CHD7: variants seen among roughly 807,000 people sequenced by gnomAD.
The protein encoded by CHD7 is chromodomain helicase DNA binding protein 7.
Under a neutral mutation model 307.3 loss-of-function variants are expected in CHD7, and 24 were observed. The ratio of observed to expected loss-of-function variants is 0.08; its 90% confidence interval spans 0.06 to 0.11. The LOEUF (loss-of-function observed/expected upper bound fraction) is 0.11. Among genes scored for constraint, CHD7 ranks in the 10% least tolerant of loss-of-function variants. The pLI, the probability that CHD7 is intolerant of heterozygous loss-of-function variation, is 1.00. For missense variants in CHD7, 3,106 were observed against 3,727.1 expected (o/e 0.83, Z 4.34); for synonymous variants, 1,363 against 1,349.9 (o/e 1.01, Z -0.21).
intron 8 of CHD7, among the ~76,000 whole-genome samples, chr8:60,817,295 T>C (rs1204717578): frequency 6.6e-6 from 1 of 152,248 alleles, no homozygotes; most frequent in Admixed American, 6.5e-5. Flanking sequence ...AGACTTTATG[T>C]AAAAGAAGCG....
intron 1 of CHD7, among the ~76,000 whole-genome samples, chr8:60,706,905 G>T (rs1001310378): frequency 6.6e-6 from 1 of 151,966 alleles, no homozygotes; most frequent in Admixed American, 6.6e-5. Flanking sequence ...GTGCCATGTT[G>T]GTGTGCCGCA....
At chr8:60,799,793 A>G (rs766124735) in intron 4 of CHD7, among the ~76,000 whole-genome samples, 5 of 152,148 alleles carry the variant, frequency 3.3e-5, no homozygotes, top group African/African-American at 1.2e-4. Context: ...TGATGGACAT[A>G]CTGACTGACT....
intron 13 of CHD7, chr8:60,824,651 G>T (rs1441174893): frequency 6.6e-6 from 1 of 152,314 alleles, no homozygotes; most frequent in Admixed American, 6.5e-5. Context: ...AGTTGGGTAG[G>T]ATATCTGGGG....
chr8:60,770,204 T>A (rs4738822), intron 2 of CHD7, among the ~76,000 whole-genome samples: 118,504 of 152,230 alleles, frequency 0.78, 46,402 homozygotes, highest in East Asian at 0.94. Context: ...CTGCAGTTGT[T>A]ATTGAGGGAT....
chr8:60,771,671 GGGGA>G (rs75059106), intron 2 of CHD7, among the ~76,000 whole-genome samples: 1 of 151,948 alleles, frequency 6.6e-6, no homozygotes, highest in East Asian at 1.9e-4. Flanking sequence ...CATCTTGACT[GGGGA>G]GTCTTGACTG....
chr8:60,808,134 G>A, intron 6 of CHD7, 83 bp from the exon 7 acceptor site: 1 of 910,508 alleles, frequency 1.1e-6, no homozygotes, highest in Non-Finnish European at 1.7e-6. Flanking sequence ...CCTATTTTGT[G>A]CTCATATGGG....
In CHD7 at chr8:60,837,759, A is replaced by G. The variant is rs1804802453; in HGVS notation, c.4277A>G (p.Asp1426Gly). 1.2e-6 allele frequency: 2 copies of G among 1,613,414 alleles called. No individual in the cohort carries two copies. Among genetic ancestry groups the G allele is most frequent in the Non-Finnish European group, 1.7e-6 (2 of 1,179,606 alleles). ...AATTCCTATGAAAGGGAAATGTTCG[A>G]CAAGGCTAGTTTGAAACTGGGCCTG... ...TRNSYEREMF[D>G]KASLKLGLDK... The change falls in exon 18 of 38, where the codon GAC becomes GGC. Residue 1426 changes from aspartate (D) to glycine (G), a missense_variant. Transcript: ENST00000423902.
At chr8:60,782,694 CCT>C (rs1199930913) in intron 3 of CHD7, among the ~76,000 whole-genome samples, 1 of 152,098 alleles carries the variant, frequency 6.6e-6, no homozygotes. Context: ...CTTTTCTCCC[CCT>C]CTTTGTGAAC....
At chr8:60,794,012 C>A (rs1811895395) in intron 3 of CHD7, among the ~76,000 whole-genome samples, 2 of 152,076 alleles carry the variant, frequency 1.3e-5, no homozygotes, top group Non-Finnish European at 2.9e-5. Context: ...ATCCCAGCCA[C>A]TTGAGAGGCT....
chr8:60,743,064 C>T lies in CHD7; in HGVS notation c.1632C>T (p.Pro544=), dbSNP rs45536935. The T allele has an allele frequency of 1.9e-6, 3 of 1,613,754 alleles. No homozygotes were observed. The highest frequency in any genetic ancestry group is 2.5e-6 in the Non-Finnish European group (3 of 1,179,866). Residue 544 remains proline, a synonymous_variant, in exon 2 of 38, where the codon CCC becomes CCT. Coordinates refer to ENST00000423902, the MANE Select transcript of CHD7 (RefSeq NM_017780.4). ...CTTGGGCACAGCTCCACCCATCACCCCAGAACACCCCGCAGAAAGTGCCTG... is the reference window on the plus strand; with the variant it reads ...CTTGGGCACAGCTCCACCCATCACCTCAGAACACCCCGCAGAAAGTGCCTG... The part of the protein sequence containing the change: ...HQPWAQLHPS[P]QNTPQKVPVH...
intron 1 of CHD7, among the ~76,000 whole-genome samples, chr8:60,727,620 C>CT (rs1808233917): frequency 2.6e-5 from 4 of 152,164 alleles, no homozygotes; most frequent in Non-Finnish European, 5.9e-5. Context: ...TGCCTGCCCT[C>CT]TGAGTGTTGA....
intron 1 of CHD7, among the ~76,000 whole-genome samples, chr8:60,730,309 A>G (rs1258170777): frequency 6.6e-6 from 1 of 152,216 alleles, no homozygotes; most frequent in Non-Finnish European, 1.5e-5. Flanking sequence ...ATGTTAAGTT[A>G]AATATACAGA....
intron 2 of CHD7, among the ~76,000 whole-genome samples, chr8:60,779,127 C>T (rs1811085130): frequency 1.3e-5 from 2 of 152,140 alleles, no homozygotes; most frequent in South Asian, 4.1e-4. Flanking sequence ...TTTTTAATGC[C>T]ACAGGATTTT....
At position 60,866,548 on chromosome 8, in the gene CHD7, C is replaced by T. The variant is rs1409523403; in HGVS notation, c.*615C>T. On this transcript the variant is annotated 3_prime_UTR_variant, in exon 38 of 38. Transcript: ENST00000423902. ...AGGGTCCCTTTGGAAAATTAACCTA[C>T]TGGGAGGGTTCTTGCCAGACAGAAC... is the stretch of plus-strand genomic sequence containing the variant. 6.6e-6 allele frequency: 1 copy of T among 152,536 alleles called. No individual in the cohort carries two copies. Among genetic ancestry groups the T allele is most frequent in the East Asian group, 1.9e-4 (1 of 5,194 alleles). 9.4% of individuals were successfully genotyped at this position (152,536 alleles called of 1,614,324 possible). A position where few individuals can be genotyped will look rare whatever the true frequency, so the allele number is the denominator to read the frequency against.
chr8:60,706,839 C>T (rs1420091193), intron 1 of CHD7, among the ~76,000 whole-genome samples: 3 of 151,964 alleles, frequency 2.0e-5, no homozygotes, highest in Admixed American at 1.3e-4. Flanking sequence ...ATTTATTATA[C>T]TTTAAGTTCT....
chr8:60,806,220 C>T (rs775171717), intron 6 of CHD7, among the ~76,000 whole-genome samples: 30 of 152,108 alleles, frequency 2.0e-4, no homozygotes, highest in East Asian at 1.2e-3. Flanking sequence ...AAAAATTAGC[C>T]GGGCATGGTG....
chr8:60,862,479 A>G, intron 36 of CHD7, 69 bp from the exon 37 acceptor site: 1 of 1,466,402 alleles, frequency 6.8e-7, no homozygotes. Flanking sequence ...TAGAAGGGGG[A>G]GGGAGTAGAT....
At chr8:60,834,100 AAG>A (rs1175657404) in intron 15 of CHD7, among the ~76,000 whole-genome samples, 1 of 152,228 alleles carries the variant, frequency 6.6e-6, no homozygotes, top group Non-Finnish European at 1.5e-5. Context: ...TAGTATAAAA[AAG>A]GCAAAAATTA....
At chr8:60,706,533 A>T (rs1023655208) in intron 1 of CHD7, among the ~76,000 whole-genome samples, 1 of 152,202 alleles carries the variant, frequency 6.6e-6, no homozygotes, top group African/African-American at 2.4e-5. Flanking sequence ...ATTACGTATT[A>T]TGAAACTTCT....
Sources: allele counts gnomAD v4.1 joint callset (sites outside exome capture counted in the v4.1 genomes callset), GRCh38; gene constraint gnomAD v4.1.1; transcripts MANE v1.5; gene names NCBI Gene and HGNC (gene_info 2026-07-23, HGNC 2026-07-21).